Variants in BLM observed in about 807,000 individuals in gnomAD.
BLM encodes BLM RecQ like helicase.
A neutral mutation model predicts 135.3 loss-of-function variants in BLM; 95 were observed. That is an observed-to-expected ratio of 0.70 (90% CI 0.59 to 0.83). The LOEUF (loss-of-function observed/expected upper bound fraction) is 0.83. Among genes scored for constraint, BLM ranks in the 40% least tolerant of loss-of-function variants. The probability of loss-of-function intolerance (pLI) is 0.00; values close to 1 mark genes in which losing one functional copy is unlikely to be tolerated. For missense variants in BLM, 1,518 were observed against 1,663.9 expected, an observed-to-expected ratio of 0.91 and a Z score of 1.53; for synonymous variants, 520 against 589.2, an observed-to-expected ratio of 0.88 and a Z score of 1.70.
At chr15:90,738,259 C>T (rs1236332744) in intron 1 of BLM, among the ~76,000 whole-genome samples, 7 of 152,188 alleles carry the variant, frequency 4.6e-5, no homozygotes, top group Non-Finnish European at 1.0e-4. Flanking sequence ...TTTCCTCAAG[C>T]TCTTCCAATT....
intron 1 of BLM, 70 bp from the exon 2 acceptor site, chr15:90,747,315 TCCTC>T: frequency 9.1e-7 from 1 of 1,103,226 alleles, no homozygotes; most frequent in Non-Finnish European, 1.3e-6. Context: ...ATCAAGTCCT[TCCTC>T]CCCTCAAAAA....
rs139688226 is a variant in BLM, at chr15:90,763,061, C to T, written c.1978C>T (p.His660Tyr). The change falls in exon 8 of 22, where the codon CAT becomes TAT. Residue 660 changes from histidine (H) to tyrosine (Y), a missense_variant. Coordinates refer to ENST00000355112, the MANE Select transcript of BLM (RefSeq NM_000057.4). ...PHTKEMMKIF[H>Y]KKFGLHNFRT... ...TACAAAGGAAATGATGAAGATTTTTCATAAAAAATTTGGCCTGCATAATTT... is the reference window on the plus strand; with the variant it reads ...TACAAAGGAAATGATGAAGATTTTTTATAAAAAATTTGGCCTGCATAATTT... 2 of 1,613,912 alleles carry T rather than the reference C, an allele frequency of 1.2e-6. No homozygotes were observed. Among genetic ancestry groups the T allele is most frequent in the South Asian group, 2.2e-5 (2 of 91,050 alleles).
intron 14 of BLM, among the ~76,000 whole-genome samples, chr15:90,787,746 T>C (rs1261695161): frequency 6.6e-6 from 1 of 152,036 alleles, no homozygotes; most frequent in African/African-American, 2.4e-5. Context: ...ATCAAGGAGT[T>C]TGAGACCAGC....
rs80328812 is a variant in BLM at position 90,773,641 on chromosome 15, T to C, written c.2555+4055T>C. The stretch of plus-strand genomic sequence containing the variant: ...TAGCAGTCAATTCCTACTTTCTCAC[T>C]TTCCCCATTCTTAGGCAACCCCTCA... On this transcript the variant is annotated intron_variant, in intron 12 of 21. Coordinates refer to ENST00000355112, the MANE Select transcript of BLM (RefSeq NM_000057.4). 7.8e-3 allele frequency among the ~76,000 whole-genome samples: 1,192 copies of C among 151,930 alleles called. 17 individuals carry two copies. Among genetic ancestry groups the C allele is most frequent in the African/African-American group, 0.027 (1,138 of 41,462 alleles).
intron 12 of BLM, among the ~76,000 whole-genome samples, chr15:90,778,478 A>G (rs1408402126): frequency 6.6e-6 from 1 of 152,182 alleles, no homozygotes; most frequent in Non-Finnish European, 1.5e-5. Context: ...AGAACATTTC[A>G]TCACCCTCCA....
rs1225205444 is a variant in BLM at position 90,760,687 on chromosome 15, T to C, written c.1314T>C (p.Pro438=). The C allele has an allele frequency of 1.2e-6, 2 of 1,614,096 alleles. No individual in the cohort carries two copies. The highest frequency in any genetic ancestry group is 1.3e-5 in the African/African-American group (1 of 75,054). ...ACAGGCCTGATTCACTTGATGGCCC[T>C]ATGGAGGGTGATTCCTGCCCTACAG... is the stretch of plus-strand genomic sequence containing the variant. ...WRYRPDSLDG[P]MEGDSCPTGN... Residue 438 remains proline (P), a synonymous_variant, in exon 7 of 22, where the codon CCT becomes CCC. Transcript: ENST00000355112.
At chr15:90,774,941 C>T (rs771382005) in intron 12 of BLM, among the ~76,000 whole-genome samples, 6 of 148,464 alleles carry the variant, frequency 4.0e-5, no homozygotes, top group Non-Finnish European at 8.8e-5. Context: ...TTGCATATAA[C>T]GATGGTAAAA....
In BLM at chr15:90,815,207, C is replaced by A. The variant is rs1596276569; in HGVS notation, c.4182C>A (p.Ser1394Arg). 1 of 1,614,124 alleles carries A rather than the reference C, an allele frequency of 6.2e-7. No individual in the cohort carries two copies. Among genetic ancestry groups the A allele is most frequent in the African/African-American group, 1.3e-5 (1 of 75,042 alleles). The change falls in exon 22 of 22, where the codon AGC (serine) becomes AGA (arginine). Residue 1394 changes from serine to arginine, a missense_variant. Transcript: ENST00000355112. This position sits in a 1 kb window ranked among gnomAD's most constrained non-coding sequence, Gnocchi z 4.6. ...CTCAAGCGACATCAGGAGCCAATAG[C>A]AAATTGGGGATTATGGCTCCACCGA... ...HTSQATSGANSKLGIMAPPKP... is the reference protein window; with the variant it reads ...HTSQATSGANRKLGIMAPPKP...
At chr15:90,795,164 G>A (rs983038363) in intron 16 of BLM, among the ~76,000 whole-genome samples, 1 of 152,164 alleles carries the variant, frequency 6.6e-6, no homozygotes, top group Non-Finnish European at 1.5e-5. Context: ...AGTGGAGACC[G>A]ACATACATGT....
At chr15:90,747,334 T>C in intron 1 of BLM, 55 bp from the exon 2 acceptor site, 1 of 1,380,418 alleles carries the variant, frequency 7.2e-7, no homozygotes, top group Non-Finnish European at 1.0e-6. Flanking sequence ...CAAAAAACAT[T>C]GTGATTAATG....
chr15:90,732,100 T>G (rs1895084645), intron 1 of BLM, among the ~76,000 whole-genome samples: 1 of 152,212 alleles, frequency 6.6e-6, no homozygotes, highest in Admixed American at 6.5e-5. Flanking sequence ...AACTACTTCT[T>G]TAGTTGCATA....
In BLM at chr15:90,782,692, C is replaced by T. The variant is rs28385056; in HGVS notation, c.2556-130C>T. On this transcript the variant is annotated intron_variant, in intron 12 of 21. Transcript: ENST00000355112. ...CCACCCCTCATGACCTAATTATCTC[C>T]CGGAGGCTCCAACTCCTAATACCAT... The T allele has an allele frequency of 0.16, 113,582 of 691,962 alleles. 9,953 individuals carry two copies. The highest frequency in any genetic ancestry group is 0.19 in the Non-Finnish European group (73,397 of 391,704). 42.9% of individuals were successfully genotyped at this position (691,962 alleles called of 1,614,324 possible). A position where few individuals can be genotyped will look rare whatever the true frequency, so the allele number is the denominator to read the frequency against.
chr15:90,791,901 A>G (rs1896913889), intron 15 of BLM, among the ~76,000 whole-genome samples: 1 of 152,036 alleles, frequency 6.6e-6, no homozygotes, highest in Admixed American at 6.6e-5. Context: ...CAGCCTCCCA[A>G]AGTGTTGGGA....
At chr15:90,728,807 G>A (rs1894986515) in intron 1 of BLM, among the ~76,000 whole-genome samples, 1 of 152,050 alleles carries the variant, frequency 6.6e-6, no homozygotes, top group Admixed American at 6.6e-5. Context: ...TATTGACCTT[G>A]TCTCCAGCAG....
At chr15:90,798,368 C>T (rs1258940477) in intron 17 of BLM, 31 bp downstream of exon 17, 5 of 1,606,000 alleles carry the variant, frequency 3.1e-6, no homozygotes, top group African/African-American at 1.3e-5. Flanking sequence ...GTTTGAGTTA[C>T]TTCAATTGAA....
At position 90,767,005 on chromosome 15, in the gene BLM, A is replaced by C. The variant is rs1567044034; in HGVS notation, c.2289A>C (p.Leu763=). Reference sequence around the variant, plus strand: ...AAAAAGACCCAATCATAAAACTTCTATATGTCACTCCAGAAAAGGTTTGTA... The same window carrying C: ...AAAAAGACCCAATCATAAAACTTCTCTATGTCACTCCAGAAAAGGTTTGTA... The part of the protein sequence containing the change: ...LSKKDPIIKL[L]YVTPEKICAS... The change falls in exon 10 of 22, where the codon CTA becomes CTC. Residue 763 remains leucine (L), a synonymous_variant. Transcript: ENST00000355112. 1 of 1,562,316 alleles carries C rather than the reference A, an allele frequency of 6.4e-7. No individual in the cohort carries two copies. Among genetic ancestry groups the C allele is most frequent in the South Asian group, 1.1e-5 (1 of 88,778 alleles).
At position 90,809,165 on chromosome 15, in the gene BLM, G is replaced by A; in HGVS notation, c.3780G>A (p.Leu1260=). ...CTTTATCTTCTGATCCTGAGGTTTTGCTTCAAATTGATGGTGTTACTGAAG... is the reference window on the plus strand; with the variant it reads ...CTTTATCTTCTGATCCTGAGGTTTTACTTCAAATTGATGGTGTTACTGAAG... The part of the protein sequence containing the change: ...AESLSSDPEV[L]LQIDGVTEDK... The change falls in exon 20 of 22, where the codon TTG becomes TTA. Residue 1260 remains leucine, a synonymous_variant. Coordinates refer to ENST00000355112, the MANE Select transcript of BLM (RefSeq NM_000057.4). 2 of 1,614,144 alleles carry A rather than the reference G, an allele frequency of 1.2e-6. No homozygotes were observed. The highest frequency in any genetic ancestry group is 8.5e-7 in the Non-Finnish European group (1 of 1,179,996).
intron 14 of BLM, among the ~76,000 whole-genome samples, chr15:90,788,373 A>G (rs1351339948): frequency 1.3e-5 from 2 of 152,142 alleles, no homozygotes; most frequent in Non-Finnish European, 2.9e-5. Context: ...TCAGATATGC[A>G]AAAAGTTTAG....
At chr15:90,805,616 G>A (rs576451653) in intron 19 of BLM, among the ~76,000 whole-genome samples, 119 of 151,026 alleles carry the variant, frequency 7.9e-4, no homozygotes, top group Non-Finnish European at 1.5e-3. Flanking sequence ...GGCAAAACCC[G>A]TCTCTACTAA....
Sources: gnomAD v4.1 joint callset for allele counts (sites outside exome capture counted in the v4.1 genomes callset) on GRCh38, gnomAD v4.1.1 for gene constraint, Gnocchi (gnomAD v3.1) non-coding constraint, MANE v1.5 for transcripts, NCBI Gene and HGNC (gene_info 2026-07-23, HGNC 2026-07-21) for gene names.